Variants in DNAJC1 observed in about 807,000 individuals in gnomAD.
DNAJC1 encodes the protein DnaJ heat shock protein family (Hsp40) member C1.
Under a neutral mutation model 76.6 loss-of-function variants are expected in DNAJC1, and 58 were observed. The ratio of observed to expected loss-of-function variants is 0.76; its 90% CI spans 0.61 to 0.94. The LOEUF is 0.94. Ranked by LOEUF, DNAJC1 falls within the 40% of genes least tolerant of loss-of-function variation. DNAJC1 has a pLI of 0.00. For missense variants in DNAJC1, 689 were observed against 677.3 expected (o/e 1.02, Z -0.19); for synonymous variants, 258 against 267.9 (o/e 0.96, Z 0.36).
intron 9 of DNAJC1, among the ~76,000 whole-genome samples, chr10:21,777,426 C>T (rs1834466250): frequency 6.6e-6 from 1 of 152,168 alleles, no homozygotes; most frequent in Admixed American, 6.5e-5. Flanking sequence ...ATAATGAGTC[C>T]TTGGATATTT....
intron 6 of DNAJC1, among the ~76,000 whole-genome samples, chr10:21,918,177 G>A (rs1458288523): frequency 4.0e-5 from 6 of 151,438 alleles, no homozygotes; most frequent in Admixed American, 2.6e-4. Context: ...AATATGCTTT[G>A]GTATACTAAA....
chr10:21,828,739 C>G (rs770256787), intron 8 of DNAJC1, among the ~76,000 whole-genome samples: 12 of 152,222 alleles, frequency 7.9e-5, no homozygotes, highest in Non-Finnish European at 1.5e-4. Flanking sequence ...CTTTTTGAAA[C>G]TCAGTAACAT....
At chr10:21,789,039 G>T (rs1589980984) in intron 9 of DNAJC1, among the ~76,000 whole-genome samples, 1 of 138,170 alleles carries the variant, frequency 7.2e-6, no homozygotes, top group Non-Finnish European at 1.5e-5. Flanking sequence ...CCCCACAGCT[G>T]CTCTGAGCAC....
At chr10:21,837,085 A>C (rs1835473104) in intron 8 of DNAJC1, among the ~76,000 whole-genome samples, 1 of 152,004 alleles carries the variant, frequency 6.6e-6, no homozygotes, top group Non-Finnish European at 1.5e-5. Context: ...TGGTATTCGT[A>C]TTTTTTTGGT....
intron 1 of DNAJC1, among the ~76,000 whole-genome samples, chr10:21,980,213 T>C (rs1400206610): frequency 1.3e-5 from 2 of 152,014 alleles, no homozygotes; most frequent in African/African-American, 4.8e-5. Flanking sequence ...TACACACATA[T>C]ATTTCCTAGT....
At chr10:21,784,319 A>G (rs1342681431) in intron 9 of DNAJC1, among the ~76,000 whole-genome samples, 3 of 152,264 alleles carry the variant, frequency 2.0e-5, no homozygotes, top group Non-Finnish European at 4.4e-5. Flanking sequence ...ATCACTGGCC[A>G]TCAGAGAAAT....
intron 1 of DNAJC1, among the ~76,000 whole-genome samples, chr10:21,983,764 A>C (rs1291766543): frequency 6.7e-6 from 1 of 150,296 alleles, no homozygotes; most frequent in African/African-American, 2.4e-5. Context: ...GGTTACCAGG[A>C]GCTGGTGGGG....
chr10:21,803,748 A>ATG (rs1168398939), intron 9 of DNAJC1: 11 of 764,974 alleles, frequency 1.4e-5, no homozygotes, highest in Non-Finnish European at 1.7e-5. Context: ...CTATATATAT[A>ATG]TTGACATAGA....
chr10:21,840,851 T>C (rs1338890189), intron 8 of DNAJC1, among the ~76,000 whole-genome samples: 1 of 152,136 alleles, frequency 6.6e-6, no homozygotes, highest in East Asian at 1.9e-4. Context: ...GACTTCAAAC[T>C]ATACTACAAG....
chr10:21,980,115 A>G (rs1020350559), intron 1 of DNAJC1, among the ~76,000 whole-genome samples: 2 of 152,058 alleles, frequency 1.3e-5, no homozygotes, highest in African/African-American at 4.8e-5. Context: ...ACAAATATCT[A>G]CTGACCACAG....
intron 8 of DNAJC1, among the ~76,000 whole-genome samples, chr10:21,846,720 TC>T (rs1835665137): frequency 6.6e-6 from 1 of 152,078 alleles, no homozygotes. Flanking sequence ...AAACACTATA[TC>T]CCAAGTATCA....
intron 1 of DNAJC1, among the ~76,000 whole-genome samples, chr10:21,944,588 G>A (rs929729979): frequency 3.3e-5 from 5 of 152,042 alleles, no homozygotes; most frequent in Non-Finnish European, 7.4e-5. Flanking sequence ...AAGAGAGATT[G>A]GATAAGTCTA....
chr10:21,956,232 A>G (rs565520503), intron 1 of DNAJC1, among the ~76,000 whole-genome samples: 13 of 152,082 alleles, frequency 8.5e-5, no homozygotes, highest in African/African-American at 3.1e-4. Context: ...CCAGGAACCC[A>G]CCCCAATAAC....
chr10:21,762,000 T>TG (rs1395925724), intron 10 of DNAJC1, among the ~76,000 whole-genome samples: 2 of 152,216 alleles, frequency 1.3e-5, no homozygotes, highest in Non-Finnish European at 2.9e-5. Flanking sequence ...CTCTGCCTCC[T>TG]GGGTTCAAGT....
At chr10:21,903,094 T>G (rs1356954408) in intron 7 of DNAJC1, among the ~76,000 whole-genome samples, 3 of 152,188 alleles carry the variant, frequency 2.0e-5, no homozygotes, top group Non-Finnish European at 4.4e-5. Flanking sequence ...GCCTGGCTAA[T>G]TTTTGTATTT....
intron 8 of DNAJC1, among the ~76,000 whole-genome samples, chr10:21,826,141 G>A (rs1835246076): frequency 6.7e-6 from 1 of 149,198 alleles, no homozygotes; most frequent in Admixed American, 6.8e-5. Context: ...GGTAGGCTGA[G>A]GCAGGAGAAT....
chr10:21,789,611 A>C (rs1418224522), intron 9 of DNAJC1, among the ~76,000 whole-genome samples: 1 of 152,208 alleles, frequency 6.6e-6, no homozygotes, highest in Admixed American at 6.5e-5. Flanking sequence ...ATAATTCAAC[A>C]AAACTAGGAA....
chr10:21,935,686 G>C (rs1245697462), intron 1 of DNAJC1, among the ~76,000 whole-genome samples: 1 of 151,782 alleles, frequency 6.6e-6, no homozygotes. Flanking sequence ...AGAAACATTA[G>C]AATCAAAATG....
At chr10:21,961,206 G>A (rs1837785395) in intron 1 of DNAJC1, among the ~76,000 whole-genome samples, 1 of 152,102 alleles carries the variant, frequency 6.6e-6, no homozygotes, top group South Asian at 2.1e-4. Context: ...CATATGATCT[G>A]GCAATTCCAT....
Sources: gnomAD v4.1 joint callset for allele counts (sites outside exome capture counted in the v4.1 genomes callset) on GRCh38, gnomAD v4.1.1 for gene constraint, MANE v1.5 for transcripts, NCBI Gene and HGNC (gene_info 2026-07-23, HGNC 2026-07-21) for gene names.